The following SDCBP2 variants were observed in gnomAD, a reference collection of about 807,000 sequenced individuals.
SDCBP2 encodes the protein syndecan binding protein 2.
Under a neutral mutation model 30.7 loss-of-function variants are expected in SDCBP2, and 28 were observed. The ratio of observed to expected loss-of-function variants is 0.91; its 90% CI spans 0.68 to 1.25. The LOEUF (loss-of-function observed/expected upper bound fraction) is 1.25, where lower values mean the gene tolerates loss of function less well. Among genes scored for constraint, SDCBP2 ranks in the 50% most tolerant of loss-of-function variants. SDCBP2 has a pLI of 0.00. For missense variants in SDCBP2, 399 were observed against 379.0 expected (o/e 1.05, Z -0.44); for synonymous variants, 166 against 157.3 (o/e 1.06, Z -0.41).
rs1466769041 is a variant in SDCBP2, at chr20:1,320,116, T to C, written c.54+247A>G. 6.6e-6 allele frequency among the ~76,000 whole-genome samples: 1 copy of C among 152,158 alleles called. No individual in the cohort carries two copies. Among genetic ancestry groups the C allele is most frequent in the Non-Finnish European group, 1.5e-5 (1 of 68,008 alleles). ...CGCCCATCCTGGAGGGAGGGAGAGC[T>C]GGGCCTGGGCAGGACAGAGCAGGCA... On this transcript the variant is annotated intron_variant, in intron 2 of 8. Coordinates refer to ENST00000360779, the MANE Select transcript of SDCBP2 (RefSeq NM_080489.5). This position sits in a 1 kb window ranked among gnomAD's most constrained non-coding sequence, Gnocchi z 4.7.
At chr20:1,312,224 C>CACAG in intron 7 of SDCBP2, 113 bp downstream of exon 7, 1 of 1,099,258 alleles carries the variant, frequency 9.1e-7, no homozygotes, top group Non-Finnish European at 1.3e-6. Context: ...ACTGAACCCT[C>CACAG]ACAGCAACCT....
At position 1,313,371 on chromosome 20, in the gene SDCBP2, T is replaced by G. The variant is rs749955441; in HGVS notation, c.353A>C (p.Lys118Thr). The change falls in exon 5 of 9, where the codon AAG becomes ACG. Residue 118 changes from lysine to threonine, a missense_variant. By Grantham distance (78) the Lys-to-Thr change is moderately conservative. Transcript: ENST00000360779. This position sits in a 1 kb window ranked among gnomAD's most constrained non-coding sequence, Gnocchi z 5.2. ...GACCTTCCGCAGCCTCAGCCCGGTCTTGCCGCGCTCGTCCTTGCACAGGTG... is the reference window on the plus strand; with the variant it reads ...GACCTTCCGCAGCCTCAGCCCGGTCGTGCCGCGCTCGTCCTTGCACAGGTG... ...EIHLCKDERG[K>T]TGLRLRKVDQ... 7 of 1,611,636 alleles carry G rather than the reference T, an allele frequency of 4.3e-6. No individual in the cohort carries two copies. In the East Asian group the frequency reaches 1.6e-4, roughly 36 times the overall value.
chr20:1,318,317 C>T lies in SDCBP2; in HGVS notation c.225+1G>A. ...GCAGCAGGCAGAAGCCAAATACATA[C>T]ACTGTCACCCTCTGGAATCTGAAGC... On this transcript the variant is annotated splice_donor_variant, in intron 4 of 8. Coordinates refer to ENST00000360779, the MANE Select transcript of SDCBP2 (RefSeq NM_080489.5). LOFTEE classifies it high-confidence loss of function. 2.5e-6 allele frequency: 4 copies of T among 1,608,332 alleles called. No individual in the cohort carries two copies. The highest frequency in any genetic ancestry group is 3.4e-6 in the Non-Finnish European group (4 of 1,174,690).
At chr20:1,312,891 C>T (rs2088700752) in intron 5 of SDCBP2, 129 bp from the exon 6 acceptor site, 3 of 1,033,398 alleles carry the variant, frequency 2.9e-6, no homozygotes, top group Non-Finnish European at 4.1e-6. Flanking sequence ...CTCTGCATGG[C>T]AGGCACCAAG....
At chr20:1,314,889 A>G (rs1300926132) in intron 4 of SDCBP2, among the ~76,000 whole-genome samples, 1 of 152,268 alleles carries the variant, frequency 6.6e-6, no homozygotes, top group African/African-American at 2.4e-5. Context: ...GATTCTCTGT[A>G]TTCACGTGTT....
chr20:1,319,340 C>T (rs2088821670), intron 3 of SDCBP2, among the ~76,000 whole-genome samples: 1 of 152,140 alleles, frequency 6.6e-6, no homozygotes, highest in African/African-American at 2.4e-5. Context: ...GAAGGATAAA[C>T]AGGGGTTCAC....
In SDCBP2 at chr20:1,320,520, G is replaced by T. The variant is rs2122531311; in HGVS notation, c.-19-85C>A. 2 of 1,060,966 alleles carry T rather than the reference G, an allele frequency of 1.9e-6. No individual in the cohort carries two copies. Among genetic ancestry groups the T allele is most frequent in the Non-Finnish European group, 1.4e-6 (1 of 710,994 alleles). 65.7% of individuals were successfully genotyped at this position (1,060,966 alleles called of 1,614,324 possible). ...GCACAGACATCCGCAACAGCAAGCG[G>T]GTTGGAACTTAATATTCAAACAGAA... On this transcript the variant is annotated intron_variant, in intron 1 of 8. Coordinates refer to ENST00000360779, the MANE Select transcript of SDCBP2 (RefSeq NM_080489.5). The surrounding 1 kb of genome is among the most constrained non-coding windows in gnomAD (Gnocchi z 4.7).
Position 1,328,527 on chromosome 20 carries a change from A to G in SDCBP2, c.-20+558T>C, listed in dbSNP as rs190683798. On this transcript the variant is annotated intron_variant, in intron 1 of 8. Coordinates refer to ENST00000360779, the MANE Select transcript of SDCBP2 (RefSeq NM_080489.5). ...TGAGACCCTGCTGAGGAGGGCATGC[A>G]CTGGCTCCTGTGTCCAGTATGTCCT... 1.2e-4 allele frequency among the ~76,000 whole-genome samples: 19 copies of G among 152,246 alleles called. No individual in the cohort carries two copies. In the East Asian group the frequency reaches 3.7e-3, roughly 29 times the overall value.
chr20:1,312,716 A>G lies in SDCBP2; in HGVS notation c.431T>C (p.Val144Ala), dbSNP rs368644842. ...LVQANTPASL[V>A]GLRFGDQLLQ... ...GAGCTGGTCCCCAAAGCGCAGCCCC[A>G]CAAGGGATGCAGGGGTGTTGGCCTG... The change falls in exon 6 of 9, where the codon GTG becomes GCG. Residue 144 changes from valine to alanine, a missense_variant. Val to Ala is a moderately conservative substitution (Grantham distance 64). Transcript: ENST00000360779. 1.1e-5 allele frequency: 18 copies of G among 1,613,854 alleles called. No homozygotes were observed. Among genetic ancestry groups the G allele is most frequent in the Non-Finnish European group, 1.5e-5 (18 of 1,180,008 alleles).
Position 1,310,203 on chromosome 20 carries a change from A to G in SDCBP2, c.*238T>C. ...TGCCTCCGTGTCCAGCATTTAAATC[A>G]GCACAAGAGAATCGGCTGCCTGTGG... On this transcript the variant is annotated 3_prime_UTR_variant, in exon 9 of 9. Coordinates refer to ENST00000360779, the MANE Select transcript of SDCBP2 (RefSeq NM_080489.5). 2.3e-6 allele frequency: 1 copy of G among 441,458 alleles called. No individual in the cohort carries two copies. Among genetic ancestry groups the G allele is most frequent in the South Asian group, 4.8e-5 (1 of 20,994 alleles). The allele number at this position is 441,458 out of a possible 1,614,324, so 27.3% of individuals were successfully genotyped here. A position where few individuals can be genotyped will look rare whatever the true frequency, so the allele number is the denominator to read the frequency against.
chr20:1,318,538 A>G, intron 3 of SDCBP2, 120 bp from the exon 4 acceptor site: 1 of 625,962 alleles, frequency 1.6e-6, no homozygotes, highest in South Asian at 1.9e-5. Flanking sequence ...AATGGTATTT[A>G]TTTCCAAGAC....
rs958003356 is a variant in SDCBP2, at chr20:1,324,199, A to G, written c.-19-3764T>C. 3 of 152,130 alleles carry G rather than the reference A, an allele frequency of 2.0e-5. No individual in the cohort carries two copies. The highest frequency in any genetic ancestry group is 7.2e-5 in the African/African-American group (3 of 41,400). 9.4% of individuals were successfully genotyped at this position (152,130 alleles called of 1,614,324 possible). Reference sequence around the variant, plus strand: ...CCTGTACTGCCCCTGTTGCCAAGCTATTTATCAAATTATGTGATTAATATC... The same window carrying G: ...CCTGTACTGCCCCTGTTGCCAAGCTGTTTATCAAATTATGTGATTAATATC... On this transcript the variant is annotated intron_variant, in intron 1 of 8. Transcript: ENST00000360779. This position sits in a 1 kb window ranked among gnomAD's most constrained non-coding sequence, Gnocchi z 4.7.
chr20:1,314,209 C>A (rs6041333), intron 4 of SDCBP2, among the ~76,000 whole-genome samples: 18,650 of 152,100 alleles, frequency 0.12, 1,797 homozygotes, highest in East Asian at 0.56. Flanking sequence ...CAACACCAGG[C>A]TGGGCGTGGT....
rs968077793 is a variant in SDCBP2, at chr20:1,310,166, G to A, written c.*275C>T. 2.2e-5 allele frequency: 8 copies of A among 367,240 alleles called. 1 individual carries two copies. The highest frequency in any genetic ancestry group is 4.7e-5 in the East Asian group (1 of 21,328). The allele number at this position is 367,240 out of a possible 1,614,324, so 22.7% of individuals were successfully genotyped here. On this transcript the variant is annotated 3_prime_UTR_variant, in exon 9 of 9. Coordinates refer to ENST00000360779, the MANE Select transcript of SDCBP2 (RefSeq NM_080489.5). Reference sequence around the variant, plus strand: ...GGGCCCAGTTGCGACTTTAAGCAGCGTTTAAACAGCCTGCCTCCGTGTCCA... The same window carrying A: ...GGGCCCAGTTGCGACTTTAAGCAGCATTTAAACAGCCTGCCTCCGTGTCCA...
chr20:1,321,886 A>G lies in SDCBP2; in HGVS notation c.-19-1451T>C, dbSNP rs547031412. On this transcript the variant is annotated intron_variant, in intron 1 of 8. Coordinates refer to ENST00000360779, the MANE Select transcript of SDCBP2 (RefSeq NM_080489.5). The surrounding 1 kb of genome is among the most constrained non-coding windows in gnomAD (Gnocchi z 5.2). ...CTCCCAAAAAACAGGAAGCTTTGGC[A>G]ACCCTAGGCTATAGCAGAGTAGCTA... 1.3e-5 allele frequency: 2 copies of G among 152,364 alleles called. No individual in the cohort carries two copies. Among genetic ancestry groups the G allele is most frequent in the Non-Finnish European group, 2.9e-5 (2 of 68,054 alleles). The allele number at this position is 152,364 out of a possible 1,614,324, so 9.4% of individuals were successfully genotyped here.
Position 1,321,986 on chromosome 20 carries a change from C to T in SDCBP2, c.-19-1551G>A, listed in dbSNP as rs1370286861. ...TGGCTGTTACACCCAGACCATTGTA[C>T]TCACTGGTGCCAAGTCCCAATAGAT... On this transcript the variant is annotated intron_variant, in intron 1 of 8. Transcript: ENST00000360779. The surrounding 1 kb of genome is among the most constrained non-coding windows in gnomAD (Gnocchi z 5.2). 6.6e-6 allele frequency: 1 copy of T among 152,204 alleles called. No individual in the cohort carries two copies. Among genetic ancestry groups the T allele is most frequent in the Admixed American group, 6.5e-5 (1 of 15,286 alleles). 9.4% of individuals were successfully genotyped at this position (152,204 alleles called of 1,614,324 possible).
At chr20:1,327,647 A>G (rs978558182) in intron 1 of SDCBP2, among the ~76,000 whole-genome samples, 2 of 152,264 alleles carry the variant, frequency 1.3e-5, no homozygotes, top group African/African-American at 4.8e-5. Context: ...GTGAGAGCAC[A>G]GCATAGGCAA....
chr20:1,313,868 T>G lies in SDCBP2; in HGVS notation c.226-370A>C, dbSNP rs1187547182. On this transcript the variant is annotated intron_variant, in intron 4 of 8. Coordinates refer to ENST00000360779, the MANE Select transcript of SDCBP2 (RefSeq NM_080489.5). The surrounding 1 kb of genome is among the most constrained non-coding windows in gnomAD (Gnocchi z 5.2). ...GGATAAAAGGACTGGATTTTTGTCT[T>G]GAGAAAAATGTAAAAATATACAAAT... Among the ~76,000 whole-genome samples the G allele has an allele frequency of 1.3e-5, 2 of 151,654 alleles. No homozygotes were observed. Among genetic ancestry groups the G allele is most frequent in the Non-Finnish European group, 1.5e-5 (1 of 67,996 alleles).
In SDCBP2 at chr20:1,310,564, C is replaced by G. The variant is rs1036913365; in HGVS notation, c.825-69G>C. ...TCCACCCTCCAGCAACCTCCACCCC[C>G]TTCCGAGCCAGTGCATCCCATGTGG... On this transcript the variant is annotated intron_variant, in intron 8 of 8. Transcript: ENST00000360779. The G allele has an allele frequency of 6.1e-6, 9 of 1,475,302 alleles. No individual in the cohort carries two copies. In the East Asian group the frequency reaches 1.2e-4, roughly 19 times the overall value. 91.4% of individuals were successfully genotyped at this position (1,475,302 alleles called of 1,614,324 possible).
Sources: gnomAD v4.1 joint callset for allele counts (sites outside exome capture counted in the v4.1 genomes callset) on GRCh38, gnomAD v4.1.1 for gene constraint, Gnocchi (gnomAD v3.1) non-coding constraint, MANE v1.5 for transcripts, NCBI Gene and HGNC (gene_info 2026-07-23, HGNC 2026-07-21) for gene names.